Variants in SEMA6D observed in about 807,000 individuals in gnomAD.
SEMA6D encodes the protein semaphorin-6D.
Under a neutral mutation model 106.6 loss-of-function variants are expected in SEMA6D, and 35 were observed. The ratio of observed to expected loss-of-function variants is 0.33; its 90% CI spans 0.25 to 0.44. The LOEUF (loss-of-function observed/expected upper bound fraction) is 0.44, where lower values mean the gene tolerates loss of function less well. SEMA6D is among the 20% of genes least tolerant of loss of function. SEMA6D has a pLI of 1.00. For synonymous variants in SEMA6D, 499 were observed against 487.7 expected (o/e 1.02, Z -0.31); for missense variants, 1,185 against 1,345.9 (o/e 0.88, Z 1.87).
At chr15:47,567,362 T>A (rs1304590158) in intron 3 of SEMA6D, among the ~76,000 whole-genome samples, 2 of 152,200 alleles carry the variant, frequency 1.3e-5, no homozygotes, top group Non-Finnish European at 2.9e-5. Flanking sequence ...TGTATGCATA[T>A]TCAAATAAAT....
Position 47,557,283 on chromosome 15 carries a change from C to A in SEMA6D, c.-86-43582C>A, listed in dbSNP as rs1271665762. Reference sequence around the variant, plus strand: ...TATCACTGCACTTTTGCAAAGTTCTCTCACCTGGTTAAAATGAAAACATAG... The same window carrying A: ...TATCACTGCACTTTTGCAAAGTTCTATCACCTGGTTAAAATGAAAACATAG... On this transcript the variant is annotated intron_variant, in intron 3 of 19. Transcript: ENST00000558014. Among the ~76,000 whole-genome samples, 3 of 152,250 alleles carry A rather than the reference C, an allele frequency of 2.0e-5. No homozygotes were observed. The East Asian group carries it at 5.8e-4, about 29-fold the overall frequency.
rs1404817375 is a variant in SEMA6D, at chr15:47,730,855, C to T, written c.-55+13163C>T. 8 of 1,296,134 alleles carry T rather than the reference C, an allele frequency of 6.2e-6. No homozygotes were observed. In the Admixed American group the frequency reaches 1.0e-4, roughly 16 times the overall value. 80.3% of individuals were successfully genotyped at this position (1,296,134 alleles called of 1,614,324 possible). A position where few individuals can be genotyped will look rare whatever the true frequency, so the allele number is the denominator to read the frequency against. ...AGGCCTTTGCTCAAACGGGATTCACCACTTTCTTAGCCTCCTGCTTCTTCA... is the reference window on the plus strand; with the variant it reads ...AGGCCTTTGCTCAAACGGGATTCACTACTTTCTTAGCCTCCTGCTTCTTCA... On this transcript the variant is annotated intron_variant, in intron 1 of 18. Transcript: ENST00000536845.
intron 3 of SEMA6D, among the ~76,000 whole-genome samples, chr15:47,552,891 AAT>A (rs374271506): frequency 2.8e-5 from 1 of 35,282 alleles, no homozygotes; most frequent in African/African-American, 1.2e-4. Flanking sequence ...AATATATATA[AAT>A]ATATATATAT....
At chr15:47,413,501 T>C (rs1033842466) in intron 2 of SEMA6D, among the ~76,000 whole-genome samples, 3 of 152,126 alleles carry the variant, frequency 2.0e-5, no homozygotes, top group Non-Finnish European at 4.4e-5. Context: ...TTCTTTTTTT[T>C]GAGACAGAGG....
intron 1 of SEMA6D, among the ~76,000 whole-genome samples, chr15:47,296,498 A>G (rs140887595): frequency 1.3e-5 from 2 of 152,310 alleles, no homozygotes; most frequent in African/African-American, 4.8e-5. Flanking sequence ...ACATTTATAC[A>G]TTTTCTTATT....
chr15:47,417,655 A>G (rs1400106953), intron 2 of SEMA6D, among the ~76,000 whole-genome samples: 1 of 152,054 alleles, frequency 6.6e-6, no homozygotes, highest in African/African-American at 2.4e-5. Context: ...CTGTAGTGCC[A>G]TATTGTCATG....
intron 1 of SEMA6D, among the ~76,000 whole-genome samples, chr15:47,310,869 G>A (rs972843548): frequency 1.3e-5 from 2 of 152,076 alleles, no homozygotes; most frequent in Non-Finnish European, 2.9e-5. Flanking sequence ...TCGTTGTGCC[G>A]TTTCTTAACA....
intron 1 of SEMA6D, among the ~76,000 whole-genome samples, chr15:47,741,441 G>A (rs762723828): frequency 6.6e-6 from 1 of 152,224 alleles, no homozygotes; most frequent in Non-Finnish European, 1.5e-5. Context: ...AGAAGGCCGG[G>A]CACAGTGGCT....
chr15:47,677,160 A>G (rs922497219), intron 4 of SEMA6D, among the ~76,000 whole-genome samples: 2 of 152,276 alleles, frequency 1.3e-5, no homozygotes, highest in African/African-American at 4.8e-5. Context: ...AACAGGCTAC[A>G]GACTGGTACC....
At chr15:47,672,621 TTGAG>T (rs2078160141) in intron 4 of SEMA6D, among the ~76,000 whole-genome samples, 1 of 152,190 alleles carries the variant, frequency 6.6e-6, no homozygotes, top group East Asian at 1.9e-4. Context: ...ATCAGCAATC[TTGAG>T]TATGTGTATT....
chr15:47,550,415 G>A (rs2045650284), intron 3 of SEMA6D, among the ~76,000 whole-genome samples: 1 of 152,114 alleles, frequency 6.6e-6, no homozygotes, highest in Admixed American at 6.6e-5. Flanking sequence ...AATGACAAAT[G>A]GCACTATGTT....
chr15:47,260,417 T>G (rs1595568536), intron 1 of SEMA6D, among the ~76,000 whole-genome samples: 1 of 152,120 alleles, frequency 6.6e-6, no homozygotes, highest in East Asian at 1.9e-4. Flanking sequence ...ATTTTCATGG[T>G]CTTTGTGATA....
chr15:47,449,191 T>C (rs576235199), intron 2 of SEMA6D, among the ~76,000 whole-genome samples: 15 of 152,214 alleles, frequency 9.9e-5, no homozygotes, highest in Admixed American at 3.9e-4. Flanking sequence ...TTAGCACATA[T>C]TCTCATGTTT....
At chr15:47,240,837 A>C (rs1167696887) in intron 1 of SEMA6D, among the ~76,000 whole-genome samples, 1 of 152,188 alleles carries the variant, frequency 6.6e-6, no homozygotes, top group African/African-American at 2.4e-5. Context: ...AATTAATCCC[A>C]TTATATGAAT....
chr15:47,514,612 A>C (rs115780635), intron 3 of SEMA6D, among the ~76,000 whole-genome samples: 1 of 152,196 alleles, frequency 6.6e-6, no homozygotes, highest in Non-Finnish European at 1.5e-5. Flanking sequence ...TATGAAAGCT[A>C]TATCTTGAAA....
intron 3 of SEMA6D, among the ~76,000 whole-genome samples, chr15:47,478,058 A>C (rs1030602168): frequency 2.6e-5 from 4 of 152,222 alleles, no homozygotes; most frequent in African/African-American, 9.6e-5. Flanking sequence ...AGCAGCAATT[A>C]GGCAGCTTTT....
At chr15:47,304,926 C>A (rs2036177256) in intron 1 of SEMA6D, among the ~76,000 whole-genome samples, 1 of 152,126 alleles carries the variant, frequency 6.6e-6, no homozygotes, top group Non-Finnish European at 1.5e-5. Context: ...ATTAATGAAG[C>A]AAAGCTGAAA....
intron 2 of SEMA6D, among the ~76,000 whole-genome samples, chr15:47,448,401 G>T (rs1477778379): frequency 6.6e-6 from 1 of 152,090 alleles, no homozygotes; most frequent in East Asian, 1.9e-4. Context: ...CACGGCCTCA[G>T]TCATGCTTGG....
At position 47,195,556 on chromosome 15, in the gene SEMA6D, T is replaced by C. The variant is rs148199340; in HGVS notation, c.-239+11138T>C. ...AAGTTTGCATGATTTGTGGTTATAA[T>C]TGTGTATTTTACCATGGTCTTACCA... is the stretch of plus-strand genomic sequence containing the variant. On this transcript the variant is annotated intron_variant, in intron 1 of 19. Transcript: ENST00000558014. Among the ~76,000 whole-genome samples, 39 of 152,220 alleles carry C rather than the reference T, an allele frequency of 2.6e-4. No individual in the cohort carries two copies. In the East Asian group the frequency reaches 6.6e-3, roughly 26 times the overall value.
Sources: allele counts gnomAD v4.1 joint callset (sites outside exome capture counted in the v4.1 genomes callset), GRCh38; gene constraint gnomAD v4.1.1; transcripts MANE v1.5; gene names NCBI Gene and HGNC (gene_info 2026-07-23, HGNC 2026-07-21).